The following PCNT variants were observed in gnomAD, a reference collection of about 807,000 sequenced individuals.
The protein encoded by PCNT is pericentrin.
Under a neutral mutation model 380.4 loss-of-function variants are expected in PCNT, and 319 were observed. The observed-to-expected ratio is 0.84, with a 90% confidence interval of 0.77 to 0.92. The LOEUF is 0.92. PCNT is among the 40% of genes least tolerant of loss of function. The pLI, the probability that PCNT is intolerant of heterozygous loss-of-function variation, is 0.00. For missense variants in PCNT, 4,400 were observed against 4,255.3 expected (o/e 1.03, Z -0.95); for synonymous variants, 1,845 against 1,735.2 (o/e 1.06, Z -1.57).
chr21:46,367,289 C>T, intron 15 of PCNT, 150 bp downstream of exon 15: 1 of 633,804 alleles, frequency 1.6e-6, no homozygotes, highest in Non-Finnish European at 2.7e-6. Flanking sequence ...GTGGGGACTT[C>T]TGGTCTCTTT....
rs755265991 is a variant in PCNT at position 46,391,334 on chromosome 21, CG to C, written c.4180del (p.Glu1394ArgfsTer21). On this transcript the variant is annotated frameshift_variant, in exon 21 of 47. Transcript: ENST00000359568. LOFTEE classifies it high-confidence loss of function. ...LREECTRLWS[R>X]GEATATDAEA... ...GGAGGAGTGCACCCGTCTGTGGAGT[CG>C]GGGGGAGGCCACAGCCACGGACGCC... 3.2e-6 allele frequency: 5 copies of C among 1,556,866 alleles called. No individual in the cohort carries two copies. Among genetic ancestry groups the C allele is most frequent in the Non-Finnish European group, 3.5e-6 (4 of 1,150,338 alleles).
chr21:46,434,246 A>T (rs2087877020), intron 38 of PCNT, among the ~76,000 whole-genome samples: 1 of 152,242 alleles, frequency 6.6e-6, no homozygotes, highest in African/African-American at 2.4e-5. Flanking sequence ...CTTACTAGAA[A>T]ATAGAAAAGA....
At chr21:46,428,292 A>G (rs2087593834) in intron 34 of PCNT, 103 bp from the exon 35 acceptor site, 1 of 1,035,602 alleles carries the variant, frequency 9.7e-7, no homozygotes, top group Non-Finnish European at 1.5e-6. Context: ...CAGACTCAGC[A>G]GGCTTGTCCC....
At chr21:46,345,779 A>G (rs1212910097) in intron 3 of PCNT, among the ~76,000 whole-genome samples, 4 of 152,106 alleles carry the variant, frequency 2.6e-5, no homozygotes, top group African/African-American at 4.8e-5. Flanking sequence ...AGGCTGCTCC[A>G]TGTCTACGGA....
intron 15 of PCNT, among the ~76,000 whole-genome samples, 171 bp from the exon 16 acceptor site, chr21:46,381,523 A>G (rs1288483828): frequency 6.6e-6 from 1 of 152,146 alleles, no homozygotes; most frequent in African/African-American, 2.4e-5. Context: ...TTCCCAGTGA[A>G]GTCCTTGAAC....
intron 32 of PCNT, among the ~76,000 whole-genome samples, chr21:46,424,715 C>G (rs2087416812): frequency 2.1e-5 from 1 of 48,472 alleles, no homozygotes. Context: ...TCCCACTGCG[C>G]CCCCCCCAAC....
chr21:46,360,395 T>G (rs2146799715), intron 13 of PCNT, among the ~76,000 whole-genome samples: 1 of 147,926 alleles, frequency 6.8e-6, no homozygotes, highest in South Asian at 2.2e-4. Context: ...GGCTAGTTTT[T>G]TTTTTACATT....
intron 28 of PCNT, among the ~76,000 whole-genome samples, chr21:46,412,636 C>T (rs142827949): frequency 7.9e-5 from 12 of 152,310 alleles, no homozygotes; most frequent in Non-Finnish European, 1.0e-4. Flanking sequence ...CGTCCTGGGT[C>T]GGGGCAGCTT....
Position 46,386,305 on chromosome 21 carries a change from C to T in PCNT, c.3464+322C>T, listed in dbSNP as rs573160030. Reference sequence around the variant, plus strand: ...CCCGACCCCTCCCCTTTAGTGTCTGCGTCCCCGCAGCGTGTCCTCGTCCCC... The same window carrying T: ...CCCGACCCCTCCCCTTTAGTGTCTGTGTCCCCGCAGCGTGTCCTCGTCCCC... On this transcript the variant is annotated intron_variant, in intron 17 of 46. Coordinates refer to ENST00000359568, the MANE Select transcript of PCNT (RefSeq NM_006031.6). 3.3e-5 allele frequency among the ~76,000 whole-genome samples: 5 copies of T among 152,378 alleles called. No homozygotes were observed. The South Asian group carries it at 8.3e-4, about 25-fold the overall frequency.
At chr21:46,435,705 G>A (rs2053419158) in intron 38 of PCNT, among the ~76,000 whole-genome samples, 199 bp from the exon 39 acceptor site, 1 of 152,044 alleles carries the variant, frequency 6.6e-6, no homozygotes, top group Admixed American at 6.6e-5. Flanking sequence ...ACCACGCCCG[G>A]CTAATTTTTT....
intron 28 of PCNT, 78 bp from the exon 29 acceptor site, chr21:46,412,759 C>T (rs2086830318): frequency 2.0e-6 from 3 of 1,525,042 alleles, no homozygotes; most frequent in South Asian, 1.1e-5. Flanking sequence ...GTACTGGTTC[C>T]CAGCTCCAGG....
At chr21:46,376,023 G>A (rs963229297) in intron 15 of PCNT, among the ~76,000 whole-genome samples, 2 of 152,172 alleles carry the variant, frequency 1.3e-5, no homozygotes, top group Non-Finnish European at 2.9e-5. Flanking sequence ...ATGCCCGGGC[G>A]TCCTGGTGGG....
intron 43 of PCNT, 81 bp from the exon 44 acceptor site, chr21:46,442,416 T>C: frequency 4.7e-6 from 4 of 859,116 alleles, no homozygotes; most frequent in Non-Finnish European, 7.8e-6. Context: ...TCTGCTTGTT[T>C]GGTCACAGTG....
At chr21:46,355,328 G>A (rs921442239) in intron 11 of PCNT, 124 bp from the exon 12 acceptor site, 1 of 1,012,424 alleles carries the variant, frequency 9.9e-7, no homozygotes, top group Non-Finnish European at 1.5e-6. Flanking sequence ...GCAGCGTGTG[G>A]TCTCATGAAC....
Position 46,428,524 on chromosome 21 carries a change from TTGCGCACGGCGC to T in PCNT, c.7627_7638del (p.Arg2543_Leu2546del). 1 of 1,611,308 alleles carries T rather than the reference TTGCGCACGGCGC, an allele frequency of 6.2e-7. No individual in the cohort carries two copies. Among genetic ancestry groups the T allele is most frequent in the Non-Finnish European group, 8.5e-7 (1 of 1,179,694 alleles). On this transcript the variant is annotated inframe_deletion, in exon 35 of 47. Transcript: ENST00000359568. Reference sequence around the variant, plus strand: ...GCAGAACCAGGAGAAGCTGCAGCACTTGCGCACGGCGCTGACAAGCGCAGAGGCGCGCGGGAG... The same window carrying T: ...GCAGAACCAGGAGAAGCTGCAGCACTTGACAAGCGCAGAGGCGCGCGGGAG...
At chr21:46,351,355 A>C in intron 8 of PCNT, 74 bp from the exon 9 acceptor site, 1 of 840,688 alleles carries the variant, frequency 1.2e-6, no homozygotes, top group South Asian at 1.3e-5. Flanking sequence ...GCAGGGATAA[A>C]ACCGCACACG....
chr21:46,370,990 G>A (rs1247113920), intron 15 of PCNT, among the ~76,000 whole-genome samples: 2 of 152,112 alleles, frequency 1.3e-5, no homozygotes, highest in Non-Finnish European at 2.9e-5. Flanking sequence ...AGCTGAGATC[G>A]CGCCATTGCC....
rs558268198 is a variant in PCNT, at chr21:46,424,315, C to T, written c.7180-1516C>T. On this transcript the variant is annotated intron_variant, in intron 32 of 46. Transcript: ENST00000359568. ...CAGGAAATGAGGACTCCCCTGCCTC[C>T]GCCGCTGCCACCACCACCACTGCTG... 4.8e-3 allele frequency among the ~76,000 whole-genome samples: 738 copies of T among 152,338 alleles called. 6 individuals are homozygous for T. The highest frequency in any genetic ancestry group is 0.017 in the African/African-American group (715 of 41,562).
rs559305622 is a variant in PCNT, at chr21:46,353,847, C to T, written c.1680-140C>T. 1.9e-5 allele frequency: 14 copies of T among 748,760 alleles called. No homozygotes were observed. The East Asian group carries it at 3.3e-4, about 17-fold the overall frequency. 46.4% of individuals were successfully genotyped at this position (748,760 alleles called of 1,614,324 possible). On this transcript the variant is annotated intron_variant, in intron 10 of 46. Transcript: ENST00000359568. Reference sequence around the variant, plus strand: ...CTGGCTTTGTGACTGCCACGGCTCCCCGCACATGGACATTGCCCGTCCTTG... The same window carrying T: ...CTGGCTTTGTGACTGCCACGGCTCCTCGCACATGGACATTGCCCGTCCTTG...
Sources: allele counts gnomAD v4.1 joint callset (sites outside exome capture counted in the v4.1 genomes callset), GRCh38; gene constraint gnomAD v4.1.1; transcripts MANE v1.5; gene names NCBI Gene and HGNC (gene_info 2026-07-23, HGNC 2026-07-21).